The following PHLDB2 variants were observed in gnomAD, a reference collection of about 807,000 sequenced individuals.
PHLDB2 encodes pleckstrin homology-like domain family B member 2.
PHLDB2 carries 71 observed loss-of-function variants against 123.6 expected under a neutral mutation model. That is an observed-to-expected ratio of 0.57 (90% CI 0.47 to 0.70). The LOEUF is 0.70. Among genes scored for constraint, PHLDB2 ranks in the 30% least tolerant of loss-of-function variants. The pLI, the probability that PHLDB2 is intolerant of heterozygous loss-of-function variation, is 0.00. For missense variants in PHLDB2, 1,446 were observed against 1,519.5 expected, an observed-to-expected ratio of 0.95 and a Z score of 0.80; for synonymous variants, 547 against 541.6, an observed-to-expected ratio of 1.01 and a Z score of -0.14.
At chr3:111,885,591 G>A (rs1333110938) in intron 2 of PHLDB2, 179 bp downstream of exon 2, 2 of 846,802 alleles carry the variant, frequency 2.4e-6, no homozygotes, top group South Asian at 2.8e-5. Flanking sequence ...CTATTAATAG[G>A]CTTGTTTGGC....
intron 1 of PHLDB2, among the ~76,000 whole-genome samples, chr3:111,870,632 T>A (rs574789125): frequency 2.0e-5 from 3 of 151,618 alleles, no homozygotes; most frequent in African/African-American, 7.3e-5. Context: ...TGAACTAGAT[T>A]TTTTTTTTCC....
At chr3:111,958,832 ATCTTGTT>A in intron 12 of PHLDB2, 1 of 427,744 alleles carries the variant, frequency 2.3e-6, no homozygotes. Flanking sequence ...ATTTTTCCCA[ATCTTGTT>A]TCTTTGCTCC....
intron 2 of PHLDB2, among the ~76,000 whole-genome samples, chr3:111,895,523 A>C (rs974494387): frequency 6.6e-6 from 1 of 152,240 alleles, no homozygotes; most frequent in Non-Finnish European, 1.5e-5. Flanking sequence ...AAACTAAATA[A>C]AAACTGAAAA....
chr3:111,745,131 T>C (rs968229052), intron 1 of PHLDB2, among the ~76,000 whole-genome samples: 7 of 152,300 alleles, frequency 4.6e-5, no homozygotes, highest in African/African-American at 1.7e-4. Flanking sequence ...GCCAAAATAG[T>C]TGCATCTGTA....
intron 13 of PHLDB2, among the ~76,000 whole-genome samples, chr3:111,964,285 C>CCACACA (rs144106916): frequency 3.3e-5 from 5 of 150,318 alleles, no homozygotes; most frequent in South Asian, 2.1e-4. Context: ...ATGTGTCTCA[C>CCACACA]CACACACACA....
At chr3:111,831,013 G>GAAAGAAAGAAAGAAAAGA (rs1553736465) in intron 1 of PHLDB2, among the ~76,000 whole-genome samples, 10 of 102,082 alleles carry the variant, frequency 9.8e-5, no homozygotes, top group Non-Finnish European at 1.3e-4. Context: ...AAGAAAGAAA[G>GAAAGAAAGAAAGAAAAGA]AAAGAAAGAA....
chr3:111,906,323 C>A (rs1245311973), intron 2 of PHLDB2, among the ~76,000 whole-genome samples: 1 of 152,134 alleles, frequency 6.6e-6, no homozygotes, highest in Non-Finnish European at 1.5e-5. Context: ...CTCATGATAA[C>A]CCAATAAGGT....
chr3:111,798,245 AAAG>A (rs960510193), intron 1 of PHLDB2, among the ~76,000 whole-genome samples: 2 of 152,340 alleles, frequency 1.3e-5, no homozygotes, highest in South Asian at 2.1e-4. Context: ...TATCTTAAAA[AAAG>A]AAGAAGAAAA....
upstream of PHLDB2, among the ~76,000 whole-genome samples, chr3:111,855,871 A>G (rs1189399764): frequency 6.6e-6 from 1 of 151,934 alleles, no homozygotes. Flanking sequence ...ATCTCAAGCA[A>G]TCCTGCTACC....
intron 1 of PHLDB2, among the ~76,000 whole-genome samples, chr3:111,799,308 T>C (rs992082890): frequency 6.6e-6 from 1 of 151,398 alleles, no homozygotes; most frequent in Non-Finnish European, 1.5e-5. Flanking sequence ...AAAAAATCAC[T>C]CTGAAATCTA....
intron 5 of PHLDB2, among the ~76,000 whole-genome samples, chr3:111,925,141 A>G (rs2068745689): frequency 6.6e-6 from 1 of 152,158 alleles, no homozygotes; most frequent in African/African-American, 2.4e-5. Flanking sequence ...CAGCATTCAA[A>G]TCTTGATATG....
At chr3:111,751,364 A>G (rs1381507573) in intron 1 of PHLDB2, among the ~76,000 whole-genome samples, 2 of 152,234 alleles carry the variant, frequency 1.3e-5, no homozygotes, top group Non-Finnish European at 2.9e-5. Flanking sequence ...AAAACGAGCT[A>G]TAACTTTCAA....
rs79830684 is a variant in PHLDB2 at position 111,864,092 on chromosome 3, A to T, written c.-15+4516A>T. On this transcript the variant is annotated intron_variant, in intron 1 of 17. Coordinates refer to ENST00000431670, the MANE Select transcript of PHLDB2 (RefSeq NM_001134438.2). ...TAAGATAGTTTCTTATCATTTTGAC[A>T]ACTAGCCAAAGGGTGCACCTCAAAG... is the stretch of plus-strand genomic sequence containing the variant. Among the ~76,000 whole-genome samples, 358 of 152,294 alleles carry T rather than the reference A, an allele frequency of 2.4e-3. 3 individuals carry two copies. Among genetic ancestry groups the T allele is most frequent in the African/African-American group, 8.3e-3 (343 of 41,568 alleles).
chr3:111,886,620 G>T (rs1281585476), intron 2 of PHLDB2, among the ~76,000 whole-genome samples: 1 of 152,190 alleles, frequency 6.6e-6, no homozygotes, highest in Admixed American at 6.5e-5. Flanking sequence ...TTTTAGAGCA[G>T]TAATCATTTG....
At chr3:111,837,359 C>T (rs972717685) in intron 1 of PHLDB2, among the ~76,000 whole-genome samples, 1 of 152,124 alleles carries the variant, frequency 6.6e-6, no homozygotes, top group Non-Finnish European at 1.5e-5. Context: ...TGCCTAACAT[C>T]AAACAGTTGA....
At chr3:111,881,724 A>G (rs937510432) in intron 1 of PHLDB2, among the ~76,000 whole-genome samples, 4 of 151,270 alleles carry the variant, frequency 2.6e-5, no homozygotes, top group Admixed American at 2.6e-4. Flanking sequence ...AAATGATGAA[A>G]TAGACTAGTA....
chr3:111,736,410 C>T (rs1466916378), intron 1 of PHLDB2, among the ~76,000 whole-genome samples: 1 of 152,176 alleles, frequency 6.6e-6, no homozygotes, highest in African/African-American at 2.4e-5. Flanking sequence ...ATTTAATCTT[C>T]ACCACAGCCC....
intron 2 of PHLDB2, among the ~76,000 whole-genome samples, chr3:111,896,216 C>A (rs2943236): frequency 6.6e-6 from 1 of 152,216 alleles, no homozygotes; most frequent in African/African-American, 2.4e-5. Flanking sequence ...GCCTCTGAAA[C>A]TATTGGGATT....
chr3:111,772,543 A>G (rs112877459), intron 1 of PHLDB2, among the ~76,000 whole-genome samples: 158 of 152,236 alleles, frequency 1.0e-3, no homozygotes, highest in African/African-American at 2.2e-3. Context: ...TGGTCCCTGA[A>G]CTCAGAAATG....
Sources: gnomAD v4.1 joint callset for allele counts (sites outside exome capture counted in the v4.1 genomes callset) on GRCh38, gnomAD v4.1.1 for gene constraint, MANE v1.5 for transcripts, NCBI Gene and HGNC (gene_info 2026-07-23, HGNC 2026-07-21) for gene names.